Variants in MYO16 observed in about 807,000 individuals in gnomAD.
MYO16 encodes the protein myosin XVI.
In MYO16, 94 loss-of-function variants were observed where a neutral mutation model predicts 205.3. That is an observed-to-expected ratio of 0.46 (90% CI 0.39 to 0.54). The LOEUF is 0.54. MYO16 is among the 20% of genes least tolerant of loss of function. The pLI is 0.00. For synonymous variants in MYO16, 988 were observed against 954.0 expected, an observed-to-expected ratio of 1.04 and a Z score of -0.66; for missense variants, 2,315 against 2,387.5, an observed-to-expected ratio of 0.97 and a Z score of 0.63.
intron 9 of MYO16, among the ~76,000 whole-genome samples, chr13:108,827,538 A>G (rs928058285): frequency 6.6e-6 from 1 of 152,148 alleles, no homozygotes; most frequent in Non-Finnish European, 1.5e-5. Flanking sequence ...CTCCTATCCA[A>G]TCAGCATTCC....
intron 1 of MYO16, among the ~76,000 whole-genome samples, chr13:108,599,581 A>G (rs1177371448): frequency 6.6e-6 from 1 of 152,188 alleles, no homozygotes; most frequent in Non-Finnish European, 1.5e-5. Flanking sequence ...GATACGTACC[A>G]TATAGAAGAG....
At chr13:109,022,849 A>T (rs1473297995) in intron 23 of MYO16, among the ~76,000 whole-genome samples, 2 of 135,624 alleles carry the variant, frequency 1.5e-5, no homozygotes, top group Non-Finnish European at 3.0e-5. Flanking sequence ...ATATATTTAT[A>T]TATTATACTC....
At chr13:109,104,426 C>T (rs1889061795) in intron 28 of MYO16, among the ~76,000 whole-genome samples, 1 of 152,160 alleles carries the variant, frequency 6.6e-6, no homozygotes, top group African/African-American at 2.4e-5. Flanking sequence ...TGATCAGAAT[C>T]CTTTTCAACC....
chr13:109,100,722 T>C (rs1594086103), intron 27 of MYO16, 63 bp from the exon 28 acceptor site: 2 of 1,343,890 alleles, frequency 1.5e-6, no homozygotes, highest in Admixed American at 1.7e-5. Context: ...GACAGCCCTG[T>C]TGAATGTGAT....
intron 4 of MYO16, among the ~76,000 whole-genome samples, chr13:108,770,494 T>TA (rs1159037784): frequency 2.0e-5 from 3 of 152,174 alleles, no homozygotes; most frequent in Non-Finnish European, 4.4e-5. Flanking sequence ...TCGTGCCTTT[T>TA]AAAAAATCTG....
intron 23 of MYO16, among the ~76,000 whole-genome samples, chr13:109,035,275 G>A (rs558062336): frequency 6.6e-6 from 1 of 151,986 alleles, no homozygotes; most frequent in East Asian, 1.9e-4. Context: ...TAAGAAAATA[G>A]CTTAGCCCTG....
At chr13:108,735,861 T>A (rs1270942753) in intron 4 of MYO16, among the ~76,000 whole-genome samples, 1 of 152,124 alleles carries the variant, frequency 6.6e-6, no homozygotes, top group South Asian at 2.1e-4. Flanking sequence ...GGTATCTCAT[T>A]GTGGTTTTGA....
chr13:108,804,411 G>A (rs79806103), intron 6 of MYO16, among the ~76,000 whole-genome samples: 1,724 of 152,266 alleles, frequency 0.011, 35 homozygotes, highest in African/African-American at 0.04. Context: ...ACACCACAGG[G>A]ATCAACACTG....
At chr13:108,627,870 A>G (rs1377444435), upstream of MYO16, among the ~76,000 whole-genome samples, 2 of 152,220 alleles carry the variant, frequency 1.3e-5, no homozygotes, top group African/African-American at 4.8e-5. Context: ...AAATTAAGAC[A>G]TTCAGACATT....
upstream of MYO16, among the ~76,000 whole-genome samples, chr13:108,627,667 C>T (rs1879796406): frequency 6.6e-6 from 1 of 151,992 alleles, no homozygotes; most frequent in African/African-American, 2.4e-5. Flanking sequence ...ATAAGAAATG[C>T]CTTAAGTTAT....
Position 108,931,347 on chromosome 13 carries a change from G to A in MYO16, c.1925+21197G>A, listed in dbSNP as rs1449447967. ...TCCATGCATCTCGCCAAACATGTCTGTGAATGAAGGACAGAAGGAATGCCT... is the reference window on the plus strand; with the variant it reads ...TCCATGCATCTCGCCAAACATGTCTATGAATGAAGGACAGAAGGAATGCCT... On this transcript the variant is annotated intron_variant, in intron 16 of 34. Transcript: ENST00000457511. 2.6e-5 allele frequency among the ~76,000 whole-genome samples: 4 copies of A among 152,116 alleles called. No homozygotes were observed. In the East Asian group the frequency reaches 7.7e-4, roughly 29 times the overall value.
chr13:109,160,645 C>T (rs1594143096), intron 32 of MYO16, among the ~76,000 whole-genome samples: 1 of 152,184 alleles, frequency 6.6e-6, no homozygotes, highest in Non-Finnish European at 1.5e-5. Flanking sequence ...ACAGGATGTA[C>T]AGTATTCACT....
the MYO16 span, among the ~76,000 whole-genome samples, chr13:108,574,733 ATGAG>A: frequency 2.5e-3 from 360 of 144,904 alleles, 2 homozygotes; most frequent in African/African-American, 8.3e-3. Context: ...TTGTATATGT[ATGAG>A]TGACAGAATA....
intron 5 of MYO16, among the ~76,000 whole-genome samples, chr13:108,787,178 T>A (rs1886483858): frequency 6.6e-6 from 1 of 151,918 alleles, no homozygotes; most frequent in African/African-American, 2.4e-5. Flanking sequence ...AAATAAAGAG[T>A]GTGGGAGGAA....
At chr13:108,568,725 T>A in the MYO16 span, among the ~76,000 whole-genome samples, 268 of 151,892 alleles carry the variant, frequency 1.8e-3, no homozygotes, top group Admixed American at 4.9e-3. Context: ...ATTATTATTT[T>A]TTGCTACTTG....
chr13:109,021,686 G>T (rs955473084), intron 23 of MYO16, among the ~76,000 whole-genome samples: 1 of 152,102 alleles, frequency 6.6e-6, no homozygotes, highest in Non-Finnish European at 1.5e-5. Flanking sequence ...TTGGGAAGTT[G>T]TGTCAGAAGT....
At chr13:108,735,909 G>C (rs567123225) in intron 4 of MYO16, among the ~76,000 whole-genome samples, 1 of 152,100 alleles carries the variant, frequency 6.6e-6, no homozygotes, top group Non-Finnish European at 1.5e-5. Context: ...ATGAGCATTT[G>C]TTCATGTGTC....
intron 34 of MYO16, 65 bp from the exon 35 acceptor site, chr13:109,206,544 C>A: frequency 8.4e-7 from 1 of 1,192,142 alleles, no homozygotes; most frequent in Non-Finnish European, 1.2e-6. Context: ...GTGTTGCTAT[C>A]ACACTTCATA....
At chr13:108,499,913 A>C in the MYO16 span, among the ~76,000 whole-genome samples, 1 of 152,138 alleles carries the variant, frequency 6.6e-6, no homozygotes. Context: ...ATGGAAGTCC[A>C]TTCCTGAGCT....
Sources: gnomAD v4.1 joint callset for allele counts (sites outside exome capture counted in the v4.1 genomes callset) on GRCh38, gnomAD v4.1.1 for gene constraint, MANE v1.5 for transcripts, NCBI Gene and HGNC (gene_info 2026-07-23, HGNC 2026-07-21) for gene names.